Variants in CDKAL1 observed in about 807,000 individuals in gnomAD.
CDKAL1 encodes CDKAL1 threonylcarbamoyladenosine tRNA methylthiotransferase.
Under a neutral mutation model 68.2 loss-of-function variants are expected in CDKAL1, and 32 were observed. That is an observed-to-expected ratio of 0.47 (90% CI 0.35 to 0.63). CDKAL1 has a LOEUF of 0.63. CDKAL1 is among the 30% of genes least tolerant of loss of function. The pLI, the probability that CDKAL1 is intolerant of heterozygous loss-of-function variation, is 0.00. For synonymous variants in CDKAL1, 234 were observed against 244.3 expected (o/e 0.96, Z 0.39); for missense variants, 606 against 696.7 (o/e 0.87, Z 1.47).
intron 9 of CDKAL1, among the ~76,000 whole-genome samples, chr6:20,851,831 A>G (rs1759029678): frequency 6.6e-6 from 1 of 151,896 alleles, no homozygotes; most frequent in African/African-American, 2.4e-5. Flanking sequence ...TAGATAGGAA[A>G]CAATATGAGC....
chr6:20,859,463 C>G (rs1759502641), intron 9 of CDKAL1, among the ~76,000 whole-genome samples: 1 of 152,178 alleles, frequency 6.6e-6, no homozygotes, highest in Non-Finnish European at 1.5e-5. Flanking sequence ...AGTTACTTCC[C>G]TTGCCCTTCA....
chr6:21,003,347 T>TATATATATATAC (rs1343531792), intron 11 of CDKAL1, among the ~76,000 whole-genome samples: 3 of 46,786 alleles, frequency 6.4e-5, no homozygotes, highest in African/African-American at 3.1e-4. Context: ...CTACTAAATA[T>TATATATATATAC]ATATATATAT....
At chr6:21,068,651 T>G (rs1235950677) in intron 12 of CDKAL1, among the ~76,000 whole-genome samples, 2 of 152,194 alleles carry the variant, frequency 1.3e-5, no homozygotes, top group African/African-American at 4.8e-5. Context: ...AGTCTTGATA[T>G]TGGCAATGTA....
intron 5 of CDKAL1, among the ~76,000 whole-genome samples, chr6:20,712,412 A>C (rs1268883969): frequency 6.6e-6 from 1 of 152,084 alleles, no homozygotes; most frequent in East Asian, 1.9e-4. Flanking sequence ...AAGAGCACAA[A>C]ACTTAGCCAT....
rs544368956 is a variant in CDKAL1, at chr6:20,819,798, A to G, written c.639-26277A>G. Among the ~76,000 whole-genome samples, 3 of 152,186 alleles carry G rather than the reference A, an allele frequency of 2.0e-5. No individual in the cohort carries two copies. The South Asian group carries it at 6.2e-4, about 32-fold the overall frequency. On this transcript the variant is annotated intron_variant, in intron 8 of 15. Coordinates refer to ENST00000274695, the MANE Select transcript of CDKAL1 (RefSeq NM_017774.3). ...TTTATTATAGAGATCAGAAGATAGC[A>G]GTAAATACAGTGTCAAAAATTTTTG...
intron 13 of CDKAL1, among the ~76,000 whole-genome samples, chr6:21,123,196 T>A (rs1473825995): frequency 6.6e-6 from 1 of 152,182 alleles, no homozygotes; most frequent in African/African-American, 2.4e-5. Flanking sequence ...TTGGGATACC[T>A]GTAATCCCAA....
At chr6:21,228,407 C>T (rs534109243) in intron 15 of CDKAL1, among the ~76,000 whole-genome samples, 1 of 152,272 alleles carries the variant, frequency 6.6e-6, no homozygotes, top group African/African-American at 2.4e-5. Context: ...GAACTCAGGC[C>T]TCGGAGAAAT....
intron 9 of CDKAL1, among the ~76,000 whole-genome samples, chr6:20,936,324 C>T (rs62405340): frequency 0.099 from 13,704 of 138,990 alleles, 743 homozygotes; most frequent in Non-Finnish European, 0.12. Flanking sequence ...GATCTCGGCT[C>T]ACTGCAAGCT....
At chr6:20,750,303 T>C (rs1461362189) in intron 6 of CDKAL1, among the ~76,000 whole-genome samples, 1 of 152,158 alleles carries the variant, frequency 6.6e-6, no homozygotes, top group Non-Finnish European at 1.5e-5. Context: ...ACTCCTGGGC[T>C]CAAGTGATTC....
At chr6:21,142,314 G>GA (rs71540615) in intron 13 of CDKAL1, among the ~76,000 whole-genome samples, 40,741 of 136,290 alleles carry the variant, frequency 0.3, 6,546 homozygotes, top group African/African-American at 0.44. Flanking sequence ...GCTGCCATAT[G>GA]AAAAAAAAAA....
At chr6:21,047,518 C>T (rs977793234) in intron 11 of CDKAL1, among the ~76,000 whole-genome samples, 1 of 152,152 alleles carries the variant, frequency 6.6e-6, no homozygotes, top group Non-Finnish European at 1.5e-5. Flanking sequence ...TTCATGTATT[C>T]GTCTTACTGT....
chr6:20,596,466 G>A (rs1260996373), intron 4 of CDKAL1, among the ~76,000 whole-genome samples: 1 of 152,168 alleles, frequency 6.6e-6, no homozygotes, highest in African/African-American at 2.4e-5. Context: ...ACACTGTGAG[G>A]GGAAAACCGC....
intron 4 of CDKAL1, among the ~76,000 whole-genome samples, chr6:20,593,587 G>A (rs59633721): frequency 0.37 from 53,248 of 145,764 alleles, 9,939 homozygotes; most frequent in Middle Eastern, 0.45. Context: ...TTGGCTGGTG[G>A]TCTATTTCAT....
At chr6:21,049,344 T>G (rs1380026274) in intron 11 of CDKAL1, among the ~76,000 whole-genome samples, 1 of 152,216 alleles carries the variant, frequency 6.6e-6, no homozygotes, top group Admixed American at 6.5e-5. Context: ...AAATACACAT[T>G]ACTGAATTCA....
intron 11 of CDKAL1, among the ~76,000 whole-genome samples, chr6:21,049,363 G>A (rs1770416675): frequency 6.6e-6 from 1 of 152,042 alleles, no homozygotes; most frequent in African/African-American, 2.4e-5. Flanking sequence ...CAGCTTCATT[G>A]AACCTTATAA....
At chr6:20,657,665 A>G (rs1264216542) in intron 5 of CDKAL1, among the ~76,000 whole-genome samples, 1 of 152,212 alleles carries the variant, frequency 6.6e-6, no homozygotes, top group African/African-American at 2.4e-5. Flanking sequence ...TGCATTTGTG[A>G]CATGACAGTT....
intron 4 of CDKAL1, among the ~76,000 whole-genome samples, chr6:20,557,060 AATAAAT>A (rs1764082125): frequency 7.3e-6 from 1 of 137,070 alleles, no homozygotes; most frequent in Admixed American, 7.6e-5. Flanking sequence ...AAAATAAATA[AATAAAT>A]AAATAAATAA....
chr6:20,936,692 G>T (rs531996263), intron 9 of CDKAL1, among the ~76,000 whole-genome samples: 25 of 152,196 alleles, frequency 1.6e-4, no homozygotes, highest in African/African-American at 5.8e-4. Context: ...GCAAATACAG[G>T]CATTATCTTT....
At chr6:20,573,350 C>T (rs62400062) in intron 4 of CDKAL1, among the ~76,000 whole-genome samples, 8,055 of 151,706 alleles carry the variant, frequency 0.053, 228 homozygotes, top group Middle Eastern at 0.079. Context: ...AACACTTTTG[C>T]AGTTTAATTT....
Sources: allele counts gnomAD v4.1 joint callset (sites outside exome capture counted in the v4.1 genomes callset), GRCh38; gene constraint gnomAD v4.1.1; transcripts MANE v1.5; gene names NCBI Gene and HGNC (gene_info 2026-07-23, HGNC 2026-07-21).